Variants in NRXN1 observed in about 807,000 individuals in gnomAD.
NRXN1 encodes neurexin 1, also known as neurexin-1.
In NRXN1, 39 loss-of-function variants were observed where a neutral mutation model predicts 150.9. The ratio of observed to expected loss-of-function variants is 0.26; its 90% CI spans 0.20 to 0.34. The LOEUF (loss-of-function observed/expected upper bound fraction) is 0.34, where lower values mean the gene tolerates loss of function less well. Ranked by LOEUF, NRXN1 falls within the 10% of genes least tolerant of loss-of-function variation. The pLI is 1.00. For synonymous variants in NRXN1, 924 were observed against 757.0 expected (o/e 1.22, Z -3.62); for missense variants, 1,815 against 1,949.9 (o/e 0.93, Z 1.30).
chr2:50,848,152 G>C (rs1673963912), intron 5 of NRXN1, among the ~76,000 whole-genome samples: 1 of 152,048 alleles, frequency 6.6e-6, no homozygotes, highest in Non-Finnish European at 1.5e-5. Flanking sequence ...ACTGCCATGG[G>C]GTCAGAGCCC....
At chr2:50,739,118 T>C (rs766574533) in intron 5 of NRXN1, 43 of 244,818 alleles carry the variant, frequency 1.8e-4, no homozygotes, top group Non-Finnish European at 3.3e-4. Flanking sequence ...GAGACAATGT[T>C]GATAATTTTT....
rs76693134 is a variant in NRXN1, at chr2:50,515,151, C to T, written c.2375-8534G>A. Among the ~76,000 whole-genome samples the T allele has an allele frequency of 5.9e-3, 895 of 152,220 alleles. 6 individuals carry two copies. The highest frequency in any genetic ancestry group is 0.02 in the African/African-American group (847 of 41,540). On this transcript the variant is annotated intron_variant, in intron 12 of 22. Transcript: ENST00000401669. ...CTCATGTCAGATCAGCAGTGACAAC[C>T]GATTCTCACAGGAATGCAAACCCTA...
intron 22 of NRXN1, among the ~76,000 whole-genome samples, chr2:49,922,770 T>G (rs1668448480): frequency 6.6e-6 from 1 of 152,208 alleles, no homozygotes; most frequent in South Asian, 2.1e-4. Flanking sequence ...TCCATACATT[T>G]TAACTGTCTG....
intron 19 of NRXN1, among the ~76,000 whole-genome samples, chr2:50,071,537 C>T (rs1268294212): frequency 1.3e-5 from 2 of 152,078 alleles, no homozygotes; most frequent in African/African-American, 4.8e-5. Context: ...TATGTGAAAA[C>T]CCAGCAAGAA....
intron 18 of NRXN1, among the ~76,000 whole-genome samples, chr2:50,107,675 A>G (rs1701867734): frequency 6.6e-6 from 1 of 151,584 alleles, no homozygotes; most frequent in Non-Finnish European, 1.5e-5. Flanking sequence ...TAGGCAGTTA[A>G]TAAAACTATT....
chr2:50,313,360 G>T (rs2075333762), intron 17 of NRXN1, among the ~76,000 whole-genome samples: 1 of 152,014 alleles, frequency 6.6e-6, no homozygotes, highest in South Asian at 2.1e-4. Context: ...TAGGATGAGT[G>T]TTTATTTAGT....
chr2:49,975,275 C>G (rs1007763728), intron 21 of NRXN1, among the ~76,000 whole-genome samples: 1 of 151,840 alleles, frequency 6.6e-6, no homozygotes, highest in African/African-American at 2.4e-5. Context: ...GAAAAATTAC[C>G]CTAGCCACCC....
chr2:50,544,188 T>A (rs749226840), intron 9 of NRXN1, among the ~76,000 whole-genome samples: 137 of 151,978 alleles, frequency 9.0e-4, no homozygotes, highest in Non-Finnish European at 5.9e-4. Context: ...GTCAAATTCC[T>A]AGTCTAATAA....
At chr2:50,248,471 T>G (rs548021802) in intron 17 of NRXN1, among the ~76,000 whole-genome samples, 2 of 152,202 alleles carry the variant, frequency 1.3e-5, no homozygotes, top group Non-Finnish European at 2.9e-5. Flanking sequence ...ACTTTTGTTC[T>G]ACCTAATAAA....
At chr2:50,396,784 G>C (rs557319026) in intron 17 of NRXN1, among the ~76,000 whole-genome samples, 4 of 152,178 alleles carry the variant, frequency 2.6e-5, no homozygotes, top group Non-Finnish European at 4.4e-5. Context: ...AGAAATGTAA[G>C]ATGATTTCTC....
chr2:50,458,582 A>ATTT (rs56386052), intron 17 of NRXN1, among the ~76,000 whole-genome samples: 13 of 146,734 alleles, frequency 8.9e-5, no homozygotes, highest in African/African-American at 2.8e-4. Flanking sequence ...TGTATTCATA[A>ATTT]TTTTTTTTTT....
At chr2:50,649,859 A>C (rs1685353491) in intron 5 of NRXN1, among the ~76,000 whole-genome samples, 1 of 151,996 alleles carries the variant, frequency 6.6e-6, no homozygotes, top group African/African-American at 2.4e-5. Context: ...TGAATGAATC[A>C]TAGATGCTAT....
At chr2:50,446,557 T>C (rs188267213) in intron 17 of NRXN1, among the ~76,000 whole-genome samples, 15 of 125,746 alleles carry the variant, frequency 1.2e-4, no homozygotes, top group Non-Finnish European at 2.3e-4. Context: ...CTTCCCTCCT[T>C]CTTTCCTTCC....
intron 5 of NRXN1, among the ~76,000 whole-genome samples, chr2:50,893,743 G>A (rs10432671): frequency 0.12 from 18,682 of 152,090 alleles, 1,357 homozygotes; most frequent in East Asian, 0.18. Flanking sequence ...TCGTTTATTA[G>A]TAAGACTTTC....
chr2:50,833,105 C>T lies in NRXN1; in HGVS notation c.832+88764G>A, dbSNP rs865860420. Among the ~76,000 whole-genome samples, 4 of 152,066 alleles carry T rather than the reference C, an allele frequency of 2.6e-5. No individual in the cohort carries two copies. In the South Asian group the frequency reaches 8.3e-4, roughly 32 times the overall value. On this transcript the variant is annotated intron_variant, in intron 5 of 22. Transcript: ENST00000401669. Reference sequence around the variant, plus strand: ...GTCATCAGCAAAATGCAAAATAACACCACAATGAAATGCAAATTAACACCA... The same window carrying T: ...GTCATCAGCAAAATGCAAAATAACATCACAATGAAATGCAAATTAACACCA...
chr2:50,373,893 T>C (rs544026170), intron 17 of NRXN1, among the ~76,000 whole-genome samples: 1 of 152,168 alleles, frequency 6.6e-6, no homozygotes, highest in East Asian at 1.9e-4. Context: ...TTAAACGTTA[T>C]CATTAAAATA....
intron 19 of NRXN1, among the ~76,000 whole-genome samples, chr2:50,065,757 C>T (rs1573702118): frequency 6.6e-6 from 1 of 152,044 alleles, no homozygotes; most frequent in Non-Finnish European, 1.5e-5. Context: ...TACCTCTAAC[C>T]TATAAGAAAA....
intron 5 of NRXN1, among the ~76,000 whole-genome samples, chr2:50,879,674 T>C (rs1679140304): frequency 6.6e-6 from 1 of 151,902 alleles, no homozygotes; most frequent in Admixed American, 6.6e-5. Flanking sequence ...TTTCTCAGTT[T>C]CGCCTGTGGT....
At chr2:50,881,104 C>T (rs1370288263) in intron 5 of NRXN1, among the ~76,000 whole-genome samples, 4 of 151,908 alleles carry the variant, frequency 2.6e-5, no homozygotes, top group African/African-American at 9.7e-5. Context: ...CTTACCCAGA[C>T]TTCTCTGAGA....
Sources: gnomAD v4.1 joint callset for allele counts (sites outside exome capture counted in the v4.1 genomes callset) on GRCh38, gnomAD v4.1.1 for gene constraint, MANE v1.5 for transcripts, NCBI Gene and HGNC (gene_info 2026-07-23, HGNC 2026-07-21) for gene names.